Variants in ADGRL2 observed in about 807,000 individuals in gnomAD.
The protein encoded by ADGRL2 is adhesion G protein-coupled receptor L2, also known as calcium-independent alpha-latrotoxin receptor 2.
In ADGRL2, 44 loss-of-function variants were observed where a neutral mutation model predicts 157.4. The observed-to-expected ratio is 0.28, with a 90% CI of 0.22 to 0.36. The LOEUF is 0.36. Among genes scored for constraint, ADGRL2 ranks in the 10% least tolerant of loss-of-function variants. The probability of loss-of-function intolerance (pLI) is 1.00; values close to 1 mark genes in which losing one functional copy is unlikely to be tolerated. For synonymous variants in ADGRL2, 585 were observed against 624.7 expected, an observed-to-expected ratio of 0.94 and a Z score of 0.95; for missense variants, 1,510 against 1,768.9, an observed-to-expected ratio of 0.85 and a Z score of 2.63.
At chr1:81,454,084 AGAAAG>A (rs557219423) in intron 2 of ADGRL2, among the ~76,000 whole-genome samples, 77 of 152,274 alleles carry the variant, frequency 5.1e-4, no homozygotes, top group Non-Finnish European at 9.9e-4. Flanking sequence ...TTACTGACAG[AGAAAG>A]TTTTGATGCT....
chr1:81,932,891 G>A (rs1237564651), intron 3 of ADGRL2, among the ~76,000 whole-genome samples: 1 of 152,016 alleles, frequency 6.6e-6, no homozygotes, highest in East Asian at 1.9e-4. Flanking sequence ...TAGTAGAGAC[G>A]GGGTTTCTCC....
At chr1:81,969,100 T>C (rs1437691604) in intron 14 of ADGRL2, 78 bp from the exon 15 acceptor site, 3 of 997,496 alleles carry the variant, frequency 3.0e-6, no homozygotes, top group Admixed American at 1.9e-5. Flanking sequence ...AAAGATGAGC[T>C]GTACATGTGA....
intron 3 of ADGRL2, among the ~76,000 whole-genome samples, chr1:81,668,903 C>T (rs1338573445): frequency 1.3e-5 from 2 of 152,128 alleles, no homozygotes; most frequent in East Asian, 3.9e-4. Flanking sequence ...TAATGATGAT[C>T]AACACTAACT....
At chr1:81,536,608 G>T (rs1459489509) in intron 2 of ADGRL2, among the ~76,000 whole-genome samples, 5 of 152,078 alleles carry the variant, frequency 3.3e-5, no homozygotes, top group Non-Finnish European at 5.9e-5. Context: ...CTGATCTAGG[G>T]TTTTTTGTTT....
At chr1:81,590,131 A>C (rs1238493640) in intron 3 of ADGRL2, among the ~76,000 whole-genome samples, 1 of 152,138 alleles carries the variant, frequency 6.6e-6, no homozygotes, top group Non-Finnish European at 1.5e-5. Flanking sequence ...GAAGAGTCAC[A>C]CACTTACTAT....
chr1:81,697,526 T>C (rs761722287), upstream of ADGRL2, among the ~76,000 whole-genome samples: 7 of 152,186 alleles, frequency 4.6e-5, no homozygotes, highest in Non-Finnish European at 7.3e-5. Flanking sequence ...TGTGTGCTTT[T>C]TCAGGAAAGG....
chr1:81,925,812 T>C (rs577942684), intron 3 of ADGRL2, among the ~76,000 whole-genome samples: 1 of 152,124 alleles, frequency 6.6e-6, no homozygotes, highest in South Asian at 2.1e-4. Flanking sequence ...AAATAGAAAA[T>C]CGTTTGTTGT....
chr1:81,704,111 A>G (rs191019224), intron 1 of ADGRL2, among the ~76,000 whole-genome samples: 13 of 152,294 alleles, frequency 8.5e-5, no homozygotes, highest in African/African-American at 2.9e-4. Context: ...CTTCATCATC[A>G]TACTTCCCCT....
At chr1:81,905,712 T>C (rs983912202) in intron 2 of ADGRL2, among the ~76,000 whole-genome samples, 2 of 152,098 alleles carry the variant, frequency 1.3e-5, no homozygotes, top group Non-Finnish European at 2.9e-5. Context: ...AGATTTATTC[T>C]GTTTTATTAT....
chr1:81,521,966 T>C lies in ADGRL2; in HGVS notation c.-247-58910T>C, dbSNP rs960707207. 3.6e-5 allele frequency among the ~76,000 whole-genome samples: 5 copies of C among 137,568 alleles called. No individual in the cohort carries two copies. In the East Asian group the frequency reaches 8.5e-4, roughly 23 times the overall value. 90.2% of individuals were successfully genotyped at this position (137,568 alleles called of 152,430 possible). ...ATACTTGTATAATAAATGTACTTTT[T>C]GTTTTTTTTTTTTTTTGAGAAAGAG... is the stretch of plus-strand genomic sequence containing the variant. On this transcript the variant is annotated intron_variant, in intron 2 of 24. Coordinates refer to the ADGRL2 transcript ENST00000370721.
chr1:81,818,570 A>T (rs994419848), intron 1 of ADGRL2, among the ~76,000 whole-genome samples: 1 of 152,142 alleles, frequency 6.6e-6, no homozygotes, highest in African/African-American at 2.4e-5. Flanking sequence ...GATCCTACTT[A>T]TAAGCATATT....
intron 2 of ADGRL2, among the ~76,000 whole-genome samples, chr1:81,855,523 G>A (rs1408813697): frequency 6.6e-6 from 1 of 152,034 alleles, no homozygotes; most frequent in Non-Finnish European, 1.5e-5. Flanking sequence ...TCAGTATTTT[G>A]ATACTTTTTC....
chr1:81,647,369 T>A (rs1397836342), intron 3 of ADGRL2, among the ~76,000 whole-genome samples: 2 of 152,082 alleles, frequency 1.3e-5, no homozygotes, highest in Admixed American at 1.3e-4. Flanking sequence ...ATCTGAAAAT[T>A]TGAAATCTGA....
intron 3 of ADGRL2, among the ~76,000 whole-genome samples, chr1:81,654,104 C>T (rs2082479546): frequency 6.6e-6 from 1 of 152,140 alleles, no homozygotes; most frequent in South Asian, 2.1e-4. Flanking sequence ...TGCCACCACA[C>T]CCAGCTAATT....
At chr1:81,567,342 T>C (rs1006788726) in intron 2 of ADGRL2, among the ~76,000 whole-genome samples, 3 of 152,138 alleles carry the variant, frequency 2.0e-5, no homozygotes, top group African/African-American at 7.2e-5. Flanking sequence ...GGCTACAGCA[T>C]TGGACAACAC....
intron 2 of ADGRL2, among the ~76,000 whole-genome samples, chr1:81,511,845 T>C (rs2079084961): frequency 6.6e-6 from 1 of 152,092 alleles, no homozygotes. Context: ...TAGGCCTTAG[T>C]GAATCAACCA....
intron 2 of ADGRL2, among the ~76,000 whole-genome samples, chr1:81,770,561 C>T (rs2086323559): frequency 1.3e-5 from 2 of 152,028 alleles, no homozygotes; most frequent in Non-Finnish European, 2.9e-5. Context: ...GCAACCTCCA[C>T]CTCCTGGGTT....
At chr1:81,696,437 G>A (rs1314234918), upstream of ADGRL2, among the ~76,000 whole-genome samples, 1 of 152,096 alleles carries the variant, frequency 6.6e-6, no homozygotes, top group Non-Finnish European at 1.5e-5. Flanking sequence ...AGATATCATG[G>A]AGAATGGGGC....
intron 2 of ADGRL2, among the ~76,000 whole-genome samples, chr1:81,577,222 C>T (rs1000504824): frequency 2.0e-5 from 3 of 152,140 alleles, no homozygotes; most frequent in Non-Finnish European, 2.9e-5. Context: ...ATGTTTTCAT[C>T]GGTAGCATGC....
Sources: allele counts gnomAD v4.1 joint callset (sites outside exome capture counted in the v4.1 genomes callset), GRCh38; gene constraint gnomAD v4.1.1; transcripts MANE v1.5; gene names NCBI Gene and HGNC (gene_info 2026-07-23, HGNC 2026-07-21).